The following CCDC61 variants were observed in gnomAD, a reference collection of about 807,000 sequenced individuals.
CCDC61 encodes centrosomal protein CCDC61.
CCDC61 carries 55 observed loss-of-function variants against 63.0 expected under a neutral mutation model. The observed-to-expected ratio is 0.87, with a 90% confidence interval of 0.70 to 1.09. The LOEUF (loss-of-function observed/expected upper bound fraction) is 1.09. Among genes scored for constraint, CCDC61 ranks in the 50% least tolerant of loss-of-function variants. The pLI, the probability that CCDC61 is intolerant of heterozygous loss-of-function variation, is 0.00. For synonymous variants in CCDC61, 270 were observed against 317.0 expected (o/e 0.85, Z 1.58); for missense variants, 651 against 731.4 (o/e 0.89, Z 1.27).
At chr19:45,995,878 C>A (rs1200427423) in intron 1 of CCDC61, among the ~76,000 whole-genome samples, 2 of 151,924 alleles carry the variant, frequency 1.3e-5, no homozygotes, top group Admixed American at 6.6e-5. Flanking sequence ...GGGTGAAAGT[C>A]GTGGGAAGAA....
chr19:46,015,000 G>T, intron 5 of CCDC61, 49 bp from the exon 6 acceptor site: 1 of 1,444,846 alleles, frequency 6.9e-7, no homozygotes, highest in Non-Finnish European at 9.2e-7. Flanking sequence ...GGAGTAGTGG[G>T]AATGGGGCCA....
At chr19:46,010,987 T>C (rs1461069532) in intron 5 of CCDC61, among the ~76,000 whole-genome samples, 6 of 152,248 alleles carry the variant, frequency 3.9e-5, no homozygotes, top group African/African-American at 1.4e-4. Context: ...TGCAAGTGGT[T>C]TGAATTCGTC....
Position 46,018,286 on chromosome 19 carries a change from A to G in CCDC61, c.1442-4A>G. 1 of 1,563,660 alleles carries G rather than the reference A, an allele frequency of 6.4e-7. No homozygotes were observed. Among genetic ancestry groups the G allele is most frequent in the Non-Finnish European group, 8.7e-7 (1 of 1,154,264 alleles). On this transcript the variant is annotated splice_region_variant and splice_polypyrimidine_tract_variant and intron_variant, in intron 13 of 13. Transcript: ENST00000595358. The surrounding 1 kb of genome is among the most constrained non-coding windows in gnomAD (Gnocchi z 4.2). ...AGCCCCCATACCCACACCTGCTCTC[A>G]CAGAGTACAGCTCGGAGCACCAGGC... is the stretch of plus-strand genomic sequence containing the variant.
At position 46,015,347 on chromosome 19, in the gene CCDC61, C is replaced by T. The variant is rs145059264; in HGVS notation, c.765C>T (p.Leu255=). The T allele has an allele frequency of 9.9e-4, 1,586 of 1,600,758 alleles. 15 individuals carry two copies. In the African/African-American group the frequency reaches 0.018, roughly 18 times the overall value. The change falls in exon 7 of 14, where the codon CTC becomes CTT. Residue 255 remains leucine (L), a splice_region_variant and synonymous_variant. Transcript: ENST00000595358. The surrounding 1 kb of genome is among the most constrained non-coding windows in gnomAD (Gnocchi z 5.3). ...GCGCCCCTCTCCCCTCCCGGCAGCTCGAGGAGGCGAAGGCATCGGAGCGGA... is the reference window on the plus strand; with the variant it reads ...GCGCCCCTCTCCCCTCCCGGCAGCTTGAGGAGGCGAAGGCATCGGAGCGGA... The part of the protein sequence containing the change: ...GQDCRRLAKE[L]EEAKASERSL...
Position 46,016,547 on chromosome 19 carries a change from T to C in CCDC61, c.1092-147T>C. On this transcript the variant is annotated intron_variant, in intron 9 of 13. Coordinates refer to ENST00000595358, the MANE Select transcript of CCDC61 (RefSeq NM_001267723.2). This position sits in a 1 kb window ranked among gnomAD's most constrained non-coding sequence, Gnocchi z 7.2. Reference sequence around the variant, plus strand: ...TGCTCTCCCTTCCGTCCGTCCTACCTCCTCGTCTGTGTTTCTGCGTGCTTT... The same window carrying C: ...TGCTCTCCCTTCCGTCCGTCCTACCCCCTCGTCTGTGTTTCTGCGTGCTTT... 1 of 1,391,650 alleles carries C rather than the reference T, an allele frequency of 7.2e-7. No individual in the cohort carries two copies. Among genetic ancestry groups the C allele is most frequent in the Non-Finnish European group, 9.9e-7 (1 of 1,013,582 alleles). The allele number at this position is 1,391,650 out of a possible 1,614,324, so 86.2% of individuals were successfully genotyped here.
chr19:46,013,078 G>A (rs971899649), intron 5 of CCDC61, among the ~76,000 whole-genome samples: 2 of 151,860 alleles, frequency 1.3e-5, no homozygotes, highest in Non-Finnish European at 2.9e-5. Context: ...GTGGTGCAAT[G>A]TCAGCTCACT....
chr19:45,996,776 A>G (rs923059904), intron 1 of CCDC61, among the ~76,000 whole-genome samples: 2 of 152,188 alleles, frequency 1.3e-5, no homozygotes, highest in Non-Finnish European at 2.9e-5. Flanking sequence ...TCTGTCTTCA[A>G]AACACATCCA....
chr19:46,017,128 C>G, intron 11 of CCDC61, 59 bp downstream of exon 11: 1 of 1,559,010 alleles, frequency 6.4e-7, no homozygotes, highest in Non-Finnish European at 8.7e-7. Context: ...AGACTAGAAA[C>G]AGTCTTTTGC....
chr19:46,003,482 T>G lies in CCDC61; in HGVS notation c.212T>G (p.Leu71Arg). ...FKQFNIFCHMLESALTQSSES... is the reference protein window; with the variant it reads ...FKQFNIFCHMRESALTQSSES... Reference sequence around the variant, plus strand: ...CAGTTCAACATCTTCTGTCATATGCTGGAGTCAGCCCTCACTCAGGTAGGG... The same window carrying G: ...CAGTTCAACATCTTCTGTCATATGCGGGAGTCAGCCCTCACTCAGGTAGGG... Residue 71 changes from leucine to arginine, a missense_variant, in exon 3 of 14, where the codon CTG becomes CGG. Leu to Arg is a moderately radical substitution (Grantham distance 102). Coordinates refer to ENST00000595358, the MANE Select transcript of CCDC61 (RefSeq NM_001267723.2). 2.0e-6 allele frequency: 3 copies of G among 1,466,108 alleles called. No homozygotes were observed. Among genetic ancestry groups the G allele is most frequent in the Non-Finnish European group, 2.7e-6 (3 of 1,094,678 alleles). The allele number at this position is 1,466,108 out of a possible 1,614,324, so 90.8% of individuals were successfully genotyped here.
At chr19:46,012,546 C>A (rs1968847103) in intron 5 of CCDC61, among the ~76,000 whole-genome samples, 1 of 151,914 alleles carries the variant, frequency 6.6e-6, no homozygotes, top group Non-Finnish European at 1.5e-5. Flanking sequence ...ACTCGGGAGG[C>A]TGAGACAGGA....
intron 11 of CCDC61, 46 bp downstream of exon 11, chr19:46,017,115 G>T: frequency 6.3e-7 from 1 of 1,582,518 alleles, no homozygotes; most frequent in East Asian, 2.3e-5. Flanking sequence ...AGGGTTTCTG[G>T]GGAGACTAGA....
At chr19:46,010,128 C>T (rs1968800978) in intron 5 of CCDC61, among the ~76,000 whole-genome samples, 1 of 152,212 alleles carries the variant, frequency 6.6e-6, no homozygotes, top group Admixed American at 6.5e-5. Flanking sequence ...TTATGCTAGA[C>T]ATGGTCTAAG....
chr19:46,017,873 C>T (rs963540761), intron 12 of CCDC61, among the ~76,000 whole-genome samples: 8 of 152,024 alleles, frequency 5.3e-5, no homozygotes, highest in Non-Finnish European at 1.5e-5. Flanking sequence ...ATCAGTTAAC[C>T]AGGGTTGGTA....
At chr19:45,997,511 C>T (rs923976376) in intron 1 of CCDC61, among the ~76,000 whole-genome samples, 1 of 151,846 alleles carries the variant, frequency 6.6e-6, no homozygotes, top group Non-Finnish European at 1.5e-5. Flanking sequence ...CTGCCTCAGC[C>T]TCCCAACTAG....
intron 5 of CCDC61, 111 bp from the exon 6 acceptor site, chr19:46,014,938 A>G: frequency 1.1e-6 from 1 of 900,066 alleles, no homozygotes. Context: ...GAGACTGATG[A>G]GCCGTGTACC....
At position 46,015,327 on chromosome 19, in the gene CCDC61, C is replaced by T. The variant is rs1012456313; in HGVS notation, c.763-18C>T. The T allele has an allele frequency of 3.8e-6, 6 of 1,595,392 alleles. No homozygotes were observed. Among genetic ancestry groups the T allele is most frequent in the Admixed American group, 1.7e-5 (1 of 59,532 alleles). On this transcript the variant is annotated intron_variant, in intron 6 of 13. Coordinates refer to ENST00000595358, the MANE Select transcript of CCDC61 (RefSeq NM_001267723.2). This position sits in a 1 kb window ranked among gnomAD's most constrained non-coding sequence, Gnocchi z 5.3. ...CGGCCTCAGCCTGGACCTCCGCGCC[C>T]CTCTCCCCTCCCGGCAGCTCGAGGA...
At position 46,015,500 on chromosome 19, in the gene CCDC61, C is replaced by T; in HGVS notation, c.845+73C>T. 8.3e-7 allele frequency: 1 copy of T among 1,199,560 alleles called. No individual in the cohort carries two copies. Among genetic ancestry groups the T allele is most frequent in the South Asian group, 1.6e-5 (1 of 64,040 alleles). 74.3% of individuals were successfully genotyped at this position (1,199,560 alleles called of 1,614,324 possible). A position where few individuals can be genotyped will look rare whatever the true frequency, so the allele number is the denominator to read the frequency against. ...GGGTGTGGAGGCTGATGAGGCGGAG[C>T]CTAAGGGGGCGGGGCGGGGCCAGGT... On this transcript the variant is annotated intron_variant, in intron 7 of 13. Coordinates refer to ENST00000595358, the MANE Select transcript of CCDC61 (RefSeq NM_001267723.2). This position sits in a 1 kb window ranked among gnomAD's most constrained non-coding sequence, Gnocchi z 5.3.
rs1366432533 is a variant in CCDC61 at position 46,016,362 on chromosome 19, A to G, written c.1060A>G (p.Lys354Glu). ...CGACCCCACGGCCTTTGTGAAAGCC[A>G]AGGAAAGGAAGCAGAGAGAGATCCA... ...RFDPTAFVKA[K>E]ERKQREIQMK... The change falls in exon 9 of 14, where the codon AAG (lysine) becomes GAG (glutamate). Residue 354 changes from lysine (K) to glutamate (E), a missense_variant. By Grantham distance (56) the Lys-to-Glu change is moderately conservative. Transcript: ENST00000595358. This position sits in a 1 kb window ranked among gnomAD's most constrained non-coding sequence, Gnocchi z 7.2. 2 of 1,613,928 alleles carry G rather than the reference A, an allele frequency of 1.2e-6. No individual in the cohort carries two copies. The highest frequency in any genetic ancestry group is 1.7e-6 in the Non-Finnish European group (2 of 1,179,860).
chr19:46,001,517 C>A (rs1257945586), intron 1 of CCDC61, among the ~76,000 whole-genome samples: 1 of 152,248 alleles, frequency 6.6e-6, no homozygotes, highest in Admixed American at 6.5e-5. Flanking sequence ...AGCCAACGCA[C>A]ACGGACGAGA....
Sources: allele counts gnomAD v4.1 joint callset (sites outside exome capture counted in the v4.1 genomes callset), GRCh38; gene constraint gnomAD v4.1.1; non-coding constraint Gnocchi (gnomAD v3.1); transcripts MANE v1.5; gene names NCBI Gene and HGNC (gene_info 2026-07-23, HGNC 2026-07-21).